The following SOX5 variants were observed in gnomAD, a reference collection of about 807,000 sequenced individuals.
SOX5 encodes the protein SRY-box transcription factor 5, also known as transcription factor SOX-5.
SOX5 carries 9 observed loss-of-function variants against 92.0 expected under a neutral mutation model. The ratio of observed to expected loss-of-function variants is 0.10; its 90% CI spans 0.06 to 0.17. The LOEUF (loss-of-function observed/expected upper bound fraction) is 0.17, where lower values mean the gene tolerates loss of function less well. SOX5 is among the 10% of genes least tolerant of loss of function. The probability of loss-of-function intolerance (pLI) is 1.00; values close to 1 mark genes in which losing one functional copy is unlikely to be tolerated. For synonymous variants in SOX5, 344 were observed against 336.3 expected (o/e 1.02, Z -0.25); for missense variants, 642 against 944.5 (o/e 0.68, Z 4.20).
At chr12:23,872,158 C>T (rs1193900982) in intron 2 of SOX5, among the ~76,000 whole-genome samples, 36 of 116,452 alleles carry the variant, frequency 3.1e-4, no homozygotes, top group East Asian at 1.0e-3. Flanking sequence ...CCACCACGCC[C>T]GGCTAATTTT....
chr12:23,540,253 T>C (rs993940684), intron 13 of SOX5, among the ~76,000 whole-genome samples: 1 of 151,688 alleles, frequency 6.6e-6, no homozygotes, highest in Non-Finnish European at 1.5e-5. Context: ...CATTAGGAGA[T>C]ATACCTAACG....
At chr12:24,418,385 T>C (rs1263802447) in intron 1 of SOX5, among the ~76,000 whole-genome samples, 4 of 152,170 alleles carry the variant, frequency 2.6e-5, no homozygotes, top group Non-Finnish European at 4.4e-5. Context: ...ACTCTATAAA[T>C]AGCATTCACT....
chr12:24,103,431 T>A (rs563896284), intron 4 of SOX5, among the ~76,000 whole-genome samples: 128 of 152,206 alleles, frequency 8.4e-4, no homozygotes, highest in African/African-American at 3.0e-3. Context: ...CGTAGCTCAC[T>A]TTAGCCTCAC....
chr12:23,592,860 C>T (rs535073952), intron 9 of SOX5, among the ~76,000 whole-genome samples: 503 of 152,236 alleles, frequency 3.3e-3, no homozygotes, highest in African/African-American at 0.012. Flanking sequence ...GTGTGGATCA[C>T]CTGAGGTCAG....
intron 6 of SOX5, among the ~76,000 whole-genome samples, chr12:23,704,746 G>A (rs565577473): frequency 1.6e-3 from 136 of 86,738 alleles, no homozygotes; most frequent in African/African-American, 3.3e-3. Context: ...ACACATACAT[G>A]CAGACAGATA....
intron 11 of SOX5, among the ~76,000 whole-genome samples, chr12:23,549,832 C>CT (rs1943856675): frequency 6.6e-6 from 1 of 151,876 alleles, no homozygotes; most frequent in Non-Finnish European, 1.5e-5. Flanking sequence ...TAGGTTAAGT[C>CT]TGTTTAAAAA....
intron 1 of SOX5, among the ~76,000 whole-genome samples, chr12:24,514,768 T>A (rs1185994419): frequency 1.3e-5 from 2 of 152,168 alleles, no homozygotes; most frequent in Non-Finnish European, 2.9e-5. Flanking sequence ...TGGATGGAAC[T>A]GGGGGCCATT....
rs2142010708 is a variant in SOX5 at position 23,793,804 on chromosome 12, A to C, written c.482-38080T>G. Among the ~76,000 whole-genome samples the C allele has an allele frequency of 2.0e-5, 3 of 152,312 alleles. No individual in the cohort carries two copies. The Middle Eastern group carries it at 0.01, about 518-fold the overall frequency. ...AGTAAGAAAAGCACCAAGGTGCAAA[A>C]TTTAAGCAGGCATTCACTCTTGAGG... On this transcript the variant is annotated intron_variant, in intron 3 of 14. Coordinates refer to ENST00000451604, the MANE Select transcript of SOX5 (RefSeq NM_006940.6).
chr12:23,946,752 T>C (rs1345525607), intron 1 of SOX5, among the ~76,000 whole-genome samples: 1 of 152,000 alleles, frequency 6.6e-6, no homozygotes, highest in African/African-American at 2.4e-5. Flanking sequence ...TTACAAATAA[T>C]TTTTTAGAAT....
At chr12:24,185,763 C>T (rs1030249564) in intron 4 of SOX5, among the ~76,000 whole-genome samples, 2 of 152,142 alleles carry the variant, frequency 1.3e-5, no homozygotes, top group African/African-American at 2.4e-5. Context: ...AACAGTGCCT[C>T]ATACATAGAC....
At chr12:23,624,749 C>G (rs1329011271) in intron 8 of SOX5, among the ~76,000 whole-genome samples, 2 of 152,124 alleles carry the variant, frequency 1.3e-5, no homozygotes, top group Non-Finnish European at 2.9e-5. Context: ...ATCCTGATTA[C>G]AGAGGTGGTG....
intron 2 of SOX5, among the ~76,000 whole-genome samples, chr12:23,867,873 T>C (rs1003232290): frequency 1.3e-5 from 2 of 151,422 alleles, no homozygotes; most frequent in Non-Finnish European, 2.9e-5. Context: ...AACATAAAAA[T>C]TATTACCTTT....
chr12:23,607,440 T>A (rs941601423), intron 8 of SOX5, among the ~76,000 whole-genome samples: 9 of 152,212 alleles, frequency 5.9e-5, no homozygotes, highest in Admixed American at 4.6e-4. Flanking sequence ...AATTCTTCTA[T>A]CTGGCTACAT....
intron 4 of SOX5, among the ~76,000 whole-genome samples, chr12:24,207,011 G>C (rs1030789001): frequency 2.6e-5 from 4 of 152,178 alleles, no homozygotes; most frequent in Non-Finnish European, 5.9e-5. Flanking sequence ...AGGGAATAGG[G>C]CTCCCCTCTT....
intron 4 of SOX5, among the ~76,000 whole-genome samples, chr12:24,036,303 G>A (rs1956031760): frequency 6.6e-6 from 1 of 152,030 alleles, no homozygotes; most frequent in African/African-American, 2.4e-5. Context: ...CTTAGGAAGG[G>A]GGTAGTCCCA....
chr12:24,484,237 T>G (rs1946291948), intron 1 of SOX5, among the ~76,000 whole-genome samples: 1 of 152,340 alleles, frequency 6.6e-6, no homozygotes, highest in East Asian at 1.9e-4. Flanking sequence ...TACTTGTCTC[T>G]GATTGTTTCC....
intron 1 of SOX5, among the ~76,000 whole-genome samples, chr12:24,422,665 T>C (rs574165717): frequency 6.6e-6 from 1 of 152,220 alleles, no homozygotes; most frequent in Non-Finnish European, 1.5e-5. Context: ...CCTACATATA[T>C]TGATTGCTTG....
At chr12:23,738,897 A>G (rs566190918) in intron 5 of SOX5, among the ~76,000 whole-genome samples, 14 of 152,318 alleles carry the variant, frequency 9.2e-5, no homozygotes, top group Admixed American at 5.2e-4. Context: ...ATAAAGCAAG[A>G]GGCATATGGG....
At chr12:24,512,483 T>TAAC (rs1167708006) in intron 1 of SOX5, among the ~76,000 whole-genome samples, 1 of 152,234 alleles carries the variant, frequency 6.6e-6, no homozygotes, top group African/African-American at 2.4e-5. Flanking sequence ...GACTCAAATA[T>TAAC]AACACCTTTG....
Sources: allele counts gnomAD v4.1 joint callset (sites outside exome capture counted in the v4.1 genomes callset), GRCh38; gene constraint gnomAD v4.1.1; transcripts MANE v1.5; gene names NCBI Gene and HGNC (gene_info 2026-07-23, HGNC 2026-07-21).